Variants in MEIKIN observed in about 807,000 individuals in gnomAD.
MEIKIN encodes the protein meiosis-specific kinetochore protein.
chr5:131,918,526 C>T (rs1751450875), intron 6 of MEIKIN, among the ~76,000 whole-genome samples: 1 of 152,176 alleles, frequency 6.6e-6, no homozygotes, highest in Non-Finnish European at 1.5e-5. Context: ...TAAAGGACCC[C>T]TAACTCAATG....
chr5:131,869,385 C>T (rs1251097967), intron 9 of MEIKIN, among the ~76,000 whole-genome samples: 1 of 152,146 alleles, frequency 6.6e-6, no homozygotes, highest in Non-Finnish European at 1.5e-5. Context: ...ATTACTGCAC[C>T]TTTACAGTAA....
intron 9 of MEIKIN, among the ~76,000 whole-genome samples, chr5:131,858,652 C>T (rs994002028): frequency 6.6e-6 from 1 of 152,124 alleles, no homozygotes; most frequent in Admixed American, 6.6e-5. Context: ...AGACAACCTA[C>T]AAAATGGGAG....
chr5:131,838,061 ATGAAG>A (rs1749841593), intron 11 of MEIKIN, among the ~76,000 whole-genome samples: 1 of 152,322 alleles, frequency 6.6e-6, no homozygotes, highest in South Asian at 2.1e-4. Context: ...AATTTTTAAC[ATGAAG>A]TGGTGTTGAA....
chr5:131,828,260 TC>T (rs1437771943), intron 11 of MEIKIN, among the ~76,000 whole-genome samples: 3 of 152,140 alleles, frequency 2.0e-5, no homozygotes, highest in Non-Finnish European at 2.9e-5. Context: ...CTCTCCGGGT[TC>T]AAGTCATCCT....
intron 12 of MEIKIN, among the ~76,000 whole-genome samples, chr5:131,816,058 A>C (rs928131623): frequency 6.6e-6 from 1 of 152,262 alleles, no homozygotes; most frequent in African/African-American, 2.4e-5. Context: ...AGCAAGAAGA[A>C]GGGTGAACAT....
intron 6 of MEIKIN, among the ~76,000 whole-genome samples, chr5:131,918,199 C>T (rs766722468): frequency 2.6e-5 from 4 of 152,150 alleles, no homozygotes; most frequent in Non-Finnish European, 5.9e-5. Context: ...ATAGAGGGAT[C>T]CTGAGCCAAG....
At chr5:131,910,987 T>C (rs1171175334) in intron 8 of MEIKIN, among the ~76,000 whole-genome samples, 2 of 152,102 alleles carry the variant, frequency 1.3e-5, no homozygotes, top group South Asian at 2.1e-4. Context: ...TAATTAGTGC[T>C]CATCTGTTAT....
chr5:131,853,277 G>A (rs1294636814), intron 10 of MEIKIN, among the ~76,000 whole-genome samples: 1 of 152,162 alleles, frequency 6.6e-6, no homozygotes, highest in Non-Finnish European at 1.5e-5. Context: ...GTCCTTTGTG[G>A]AGACCATGGA....
chr5:131,820,581 A>G (rs1749481405), intron 11 of MEIKIN, among the ~76,000 whole-genome samples: 1 of 152,156 alleles, frequency 6.6e-6, no homozygotes, highest in Admixed American at 6.5e-5. Flanking sequence ...TTTTCAGAAC[A>G]GTTTGAGTAG....
chr5:131,832,534 T>C (rs1749732839), intron 11 of MEIKIN, among the ~76,000 whole-genome samples: 1 of 152,162 alleles, frequency 6.6e-6, no homozygotes, highest in Admixed American at 6.5e-5. Context: ...AGTGGCCCTT[T>C]TCTCACAGCT....
intron 8 of MEIKIN, 108 bp downstream of exon 8, chr5:131,911,707 A>G (rs533331952): frequency 5.2e-6 from 2 of 386,426 alleles, no homozygotes; most frequent in East Asian, 3.7e-5. Flanking sequence ...TCACTGGGCT[A>G]CTAACTTTGT....
intron 11 of MEIKIN, among the ~76,000 whole-genome samples, chr5:131,822,355 G>A (rs1249576685): frequency 2.6e-5 from 4 of 151,534 alleles, no homozygotes; most frequent in East Asian, 1.9e-4. Flanking sequence ...GTTGACTGAC[G>A]GTCTTCTCTT....
chr5:131,928,346 G>A (rs982751159), intron 5 of MEIKIN, among the ~76,000 whole-genome samples: 3 of 151,832 alleles, frequency 2.0e-5, no homozygotes, highest in African/African-American at 7.3e-5. Context: ...TTTTCCTTTA[G>A]TGCTGCCTTT....
chr5:131,938,387 C>G lies in MEIKIN; in HGVS notation c.349+4248G>C, dbSNP rs116710925. Among the ~76,000 whole-genome samples the G allele has an allele frequency of 4.7e-3, 718 of 152,080 alleles. 8 individuals carry two copies. The highest frequency in any genetic ancestry group is 0.016 in the African/African-American group (679 of 41,482). ...TTCACCGTGTTGCCCAGGCTGGTCT[C>G]GATCTCCTAGGCTCAGGCAATCCAC... On this transcript the variant is annotated intron_variant, in intron 4 of 12. Coordinates refer to ENST00000442687, the MANE Select transcript of MEIKIN (RefSeq NM_001303622.2).
At chr5:131,808,263 A>G (rs1470544300) in intron 12 of MEIKIN, among the ~76,000 whole-genome samples, 1 of 152,184 alleles carries the variant, frequency 6.6e-6, no homozygotes, top group African/African-American at 2.4e-5. Flanking sequence ...TCCTCTCCAC[A>G]TGAACTTCTG....
In MEIKIN at chr5:131,942,628, G is replaced by A. The variant is rs1751892234; in HGVS notation, c.349+7C>T. ...AAGCTGAGGGAGTTCACATTTGACA[G>A]TCTTACCTGATACTAGTTCACTATT... On this transcript the variant is annotated splice_region_variant and intron_variant, in intron 4 of 12. Transcript: ENST00000442687. 2.5e-6 allele frequency: 1 copy of A among 398,272 alleles called. No individual in the cohort carries two copies. Among genetic ancestry groups the A allele is most frequent in the Admixed American group, 4.4e-5 (1 of 22,706 alleles). The allele number at this position is 398,272 out of a possible 1,614,324, so 24.7% of individuals were successfully genotyped here.
intron 4 of MEIKIN, among the ~76,000 whole-genome samples, chr5:131,939,326 A>G (rs1751831738): frequency 6.6e-6 from 1 of 151,060 alleles, no homozygotes; most frequent in South Asian, 2.1e-4. Flanking sequence ...AGCCTGAATC[A>G]GTTTGTTTCT....
intron 8 of MEIKIN, among the ~76,000 whole-genome samples, chr5:131,896,209 T>C (rs181952312): frequency 1.2e-3 from 181 of 152,342 alleles, no homozygotes; most frequent in African/African-American, 4.3e-3. Flanking sequence ...AGTGAGTTTC[T>C]TAATCATGAG....
Position 131,823,674 on chromosome 5 carries a change from T to C in MEIKIN, c.976-4811A>G, listed in dbSNP as rs550363535. Among the ~76,000 whole-genome samples, 3 of 152,306 alleles carry C rather than the reference T, an allele frequency of 2.0e-5. No individual in the cohort carries two copies. The South Asian group carries it at 6.2e-4, about 32-fold the overall frequency. The stretch of plus-strand genomic sequence containing the variant: ...TCTGAAAGGACATATATCTCTGTTC[T>C]CCAGGATTGGTCCCTGGTGCCTTAT... On this transcript the variant is annotated intron_variant, in intron 11 of 12. Transcript: ENST00000442687.
Sources: gnomAD v4.1 joint callset for allele counts (sites outside exome capture counted in the v4.1 genomes callset) on GRCh38, gnomAD v4.1.1 for gene constraint, MANE v1.5 for transcripts, NCBI Gene and HGNC (gene_info 2026-07-23, HGNC 2026-07-21) for gene names.